The following ATP2C2 variants were observed in gnomAD, a reference collection of about 807,000 sequenced individuals.
The protein encoded by ATP2C2 is ATPase secretory pathway Ca2+ transporting 2.
Under a neutral mutation model 110.8 loss-of-function variants are expected in ATP2C2, and 171 were observed. The observed-to-expected ratio is 1.54, with a 90% CI of 1.36 to 1.75. The LOEUF (loss-of-function observed/expected upper bound fraction) is 1.75, where lower values mean the gene tolerates loss of function less well. Among genes scored for constraint, ATP2C2 ranks in the 40% most tolerant of loss-of-function variants. The probability of loss-of-function intolerance (pLI) is 0.00; values close to 1 mark genes in which losing one functional copy is unlikely to be tolerated. For missense variants in ATP2C2, 1,963 were observed against 1,235.0 expected, an observed-to-expected ratio of 1.59 and a Z score of -8.84; for synonymous variants, 804 against 508.4, an observed-to-expected ratio of 1.58 and a Z score of -7.82.
chr16:84,394,001 C>G (rs931079905), intron 1 of ATP2C2, among the ~76,000 whole-genome samples: 2 of 124,924 alleles, frequency 1.6e-5, no homozygotes, highest in South Asian at 2.8e-4. Flanking sequence ...ATTAAAAATA[C>G]CAAAAAAAAT....
Position 84,422,418 on chromosome 16 carries a change from G to C in ATP2C2, c.653G>C (p.Ser218Thr). 1 of 1,614,092 alleles carries C rather than the reference G, an allele frequency of 6.2e-7. No individual in the cohort carries two copies. The change falls in exon 8 of 27, where the codon AGT (serine) becomes ACT (threonine). Residue 218 changes from serine (S) to threonine (T), a missense_variant. Ser to Thr is a moderately conservative substitution (Grantham distance 58, BLOSUM62 1). Transcript: ENST00000262429. ...EVTDLLVDES[S>T]FTGEAEPCSK... The stretch of plus-strand genomic sequence containing the variant: ...ACGGACCTCTTGGTGGATGAATCCA[G>C]TTTCACCGGGGAAGCCGAGCCATGT...
chr16:84,452,402 C>T (rs893441308), intron 18 of ATP2C2, among the ~76,000 whole-genome samples: 12 of 152,148 alleles, frequency 7.9e-5, no homozygotes, highest in Middle Eastern at 3.4e-3. Flanking sequence ...AGTCTGCCTT[C>T]TGCCTCTAGC....
intron 7 of ATP2C2, among the ~76,000 whole-genome samples, chr16:84,420,309 G>T (rs978220047): frequency 3.3e-5 from 5 of 152,004 alleles, no homozygotes; most frequent in Admixed American, 6.5e-5. Flanking sequence ...GGAGTCTCTG[G>T]CCTATCGGAG....
At chr16:84,435,120 G>A (rs956039968) in intron 11 of ATP2C2, among the ~76,000 whole-genome samples, 1 of 152,198 alleles carries the variant, frequency 6.6e-6, no homozygotes, top group Admixed American at 6.5e-5. Context: ...TATTCAAACT[G>A]CCTGTTTTGT....
At chr16:84,422,289 T>G in intron 7 of ATP2C2, 101 bp from the exon 8 acceptor site, 21 of 1,379,152 alleles carry the variant, frequency 1.5e-5, no homozygotes, top group Middle Eastern at 2.0e-4. Context: ...ACTGTGTTCT[T>G]GAGTTCATGT....
chr16:84,451,813 G>A (rs1022546395), intron 17 of ATP2C2, 108 bp from the exon 18 acceptor site: 30 of 1,163,830 alleles, frequency 2.6e-5, no homozygotes, highest in South Asian at 2.5e-4. Context: ...ACTCCAACCT[G>A]GGCGATAAGA....
chr16:84,398,843 A>G (rs1220321372), intron 2 of ATP2C2, among the ~76,000 whole-genome samples: 7 of 152,136 alleles, frequency 4.6e-5, no homozygotes, highest in Non-Finnish European at 8.8e-5. Context: ...CCTTTGAGAC[A>G]CTCTGTGTAC....
At chr16:84,404,214 G>C (rs77109481) in intron 2 of ATP2C2, among the ~76,000 whole-genome samples, 1 of 152,184 alleles carries the variant, frequency 6.6e-6, no homozygotes, top group Non-Finnish European at 1.5e-5. Flanking sequence ...CCTTCCCCCA[G>C]ATTATAGGGT....
chr16:84,463,525 T>G, intron 26 of ATP2C2, 89 bp from the exon 27 acceptor site: 1 of 1,102,960 alleles, frequency 9.1e-7, no homozygotes, highest in South Asian at 1.3e-5. Context: ...CCTCTCACTT[T>G]ATCAGGAGGA....
intron 7 of ATP2C2, among the ~76,000 whole-genome samples, chr16:84,415,947 G>A (rs559671460): frequency 2.0e-5 from 3 of 152,170 alleles, no homozygotes; most frequent in Non-Finnish European, 4.4e-5. Context: ...GATATTAGAG[G>A]CGGGTGGATC....
At position 84,415,496 on chromosome 16, in the gene ATP2C2, A is replaced by G. The variant is rs1210736385; in HGVS notation, c.529A>G (p.Lys177Glu). Residue 177 changes from lysine to glutamate, a missense_variant, in exon 7 of 27, where the codon AAA (lysine) becomes GAA (glutamate). Physicochemically the swap from Lys to Glu is moderately conservative, Grantham distance 56. Transcript: ENST00000262429. ...TGTCAAATGCAGCCTAAGAGAAGGA[A>G]AACTCCAGCACCTGCTTGCTCGAGA... is the stretch of plus-strand genomic sequence containing the variant. ...PPECNCLREG[K>E]LQHLLARELV... 2 of 1,614,116 alleles carry G rather than the reference A, an allele frequency of 1.2e-6. No individual in the cohort carries two copies. The highest frequency in any genetic ancestry group is 1.3e-5 in the African/African-American group (1 of 75,024).
chr16:84,380,453 C>G (rs908825478), intron 1 of ATP2C2, among the ~76,000 whole-genome samples: 1 of 152,170 alleles, frequency 6.6e-6, no homozygotes, highest in Non-Finnish European at 1.5e-5. Context: ...TAAAGTTCCT[C>G]CTTCACTCCC....
chr16:84,420,469 TTTC>T lies in ATP2C2; in HGVS notation c.625-1918_625-1916del, dbSNP rs1375740873. Among the ~76,000 whole-genome samples, 372 of 116,972 alleles carry T rather than the reference TTTC, an allele frequency of 3.2e-3. 3 individuals carry two copies. Among genetic ancestry groups the T allele is most frequent in the African/African-American group, 9.2e-3 (269 of 29,126 alleles). The allele number at this position is 116,972 out of a possible 152,430, so 76.7% of individuals were successfully genotyped here. On this transcript the variant is annotated intron_variant, in intron 7 of 26. Transcript: ENST00000262429. ...GGGTCATCTTTGATCTCTCCCTTTCTTTCTTTTTTTTTTTTTTTTAAAGGACTT... is the reference window on the plus strand; with the variant it reads ...GGGTCATCTTTGATCTCTCCCTTTCTTTTTTTTTTTTTTTTTAAAGGACTT...
intron 17 of ATP2C2, among the ~76,000 whole-genome samples, chr16:84,449,042 A>AT (rs1910017604): frequency 6.6e-6 from 1 of 152,216 alleles, no homozygotes; most frequent in African/African-American, 2.4e-5. Context: ...GTCAAGGAAC[A>AT]TATTTTTTCC....
chr16:84,434,358 G>A (rs1472819530), intron 11 of ATP2C2, among the ~76,000 whole-genome samples: 2 of 151,710 alleles, frequency 1.3e-5, no homozygotes, highest in Non-Finnish European at 2.9e-5. Context: ...GGAGGTTGCG[G>A]TGAGCCGAGA....
At chr16:84,455,417 T>C (rs1910704835) in intron 21 of ATP2C2, among the ~76,000 whole-genome samples, 1 of 152,178 alleles carries the variant, frequency 6.6e-6, no homozygotes, top group African/African-American at 2.4e-5. Context: ...GGCCTGCGTG[T>C]TGATACATAT....
chr16:84,385,441 T>C (rs1187466845), intron 1 of ATP2C2, among the ~76,000 whole-genome samples: 3 of 152,102 alleles, frequency 2.0e-5, no homozygotes, highest in African/African-American at 4.8e-5. Flanking sequence ...TGAACACAGA[T>C]CCAAACCATA....
intron 7 of ATP2C2, among the ~76,000 whole-genome samples, chr16:84,416,579 G>A (rs1386203706): frequency 6.6e-6 from 1 of 152,126 alleles, no homozygotes; most frequent in African/African-American, 2.4e-5. Flanking sequence ...GAAATAGGAG[G>A]CAGGGGCCAG....
At chr16:84,421,051 C>G (rs540061211) in intron 7 of ATP2C2, among the ~76,000 whole-genome samples, 49 of 152,324 alleles carry the variant, frequency 3.2e-4, no homozygotes, top group African/African-American at 9.9e-4. Context: ...AGTGATCTGC[C>G]TGCCTCGGCC....
Sources: allele counts gnomAD v4.1 joint callset (sites outside exome capture counted in the v4.1 genomes callset), GRCh38; gene constraint gnomAD v4.1.1; transcripts MANE v1.5; gene names NCBI Gene and HGNC (gene_info 2026-07-23, HGNC 2026-07-21).